Variants in ARHGAP22 observed in about 807,000 individuals in gnomAD.
ARHGAP22 encodes the protein rho GTPase-activating protein 22.
Under a neutral mutation model 59.1 loss-of-function variants are expected in ARHGAP22, and 48 were observed. That is an observed-to-expected ratio of 0.81 (90% CI 0.64 to 1.03). The LOEUF (loss-of-function observed/expected upper bound fraction) is 1.03, where lower values mean the gene tolerates loss of function less well. ARHGAP22 is among the 50% of genes least tolerant of loss of function. ARHGAP22 has a pLI of 0.00. For missense variants in ARHGAP22, 1,015 were observed against 958.7 expected, an observed-to-expected ratio of 1.06 and a Z score of -0.78; for synonymous variants, 445 against 416.4, an observed-to-expected ratio of 1.07 and a Z score of -0.84.
intron 3 of ARHGAP22, among the ~76,000 whole-genome samples, chr10:48,539,118 A>G (rs1376247127): frequency 6.6e-6 from 1 of 152,220 alleles, no homozygotes; most frequent in Non-Finnish European, 1.5e-5. Context: ...AAAAGGTTTC[A>G]GCAGCCGGAA....
intron 1 of ARHGAP22, among the ~76,000 whole-genome samples, chr10:48,638,400 T>TTGTGTGTGTGTGTG (rs148218697): frequency 3.9e-4 from 59 of 151,482 alleles, no homozygotes; most frequent in African/African-American, 1.3e-3. Flanking sequence ...AGTGTGTGTG[T>TTGTGTGTGTGTGTG]TGTGTGTGTG....
chr10:48,553,943 C>T (rs375702014), intron 3 of ARHGAP22, among the ~76,000 whole-genome samples: 12 of 152,194 alleles, frequency 7.9e-5, no homozygotes, highest in Admixed American at 2.0e-4. Flanking sequence ...CCACACCCCT[C>T]GCCTAGATGG....
chr10:48,525,311 G>T (rs145324252), intron 3 of ARHGAP22, among the ~76,000 whole-genome samples: 113 of 152,336 alleles, frequency 7.4e-4, no homozygotes, highest in African/African-American at 2.4e-3. Context: ...GGTGGCTCGT[G>T]CTTGCAATCC....
chr10:48,573,455 CACCAGGTATTCGTGGCAGACTT>C (rs2058521401), intron 2 of ARHGAP22, among the ~76,000 whole-genome samples: 1 of 152,188 alleles, frequency 6.6e-6, no homozygotes, highest in African/African-American at 2.4e-5. Flanking sequence ...AAAATTTAGA[CACCAGGTATTCGTGGCAGACTT>C]ACCACCCACG....
chr10:48,583,644 C>T (rs2059251356), intron 1 of ARHGAP22, among the ~76,000 whole-genome samples: 3 of 152,226 alleles, frequency 2.0e-5, no homozygotes. Context: ...CTGGATCCTC[C>T]TGGAGCTCAC....
intron 3 of ARHGAP22, among the ~76,000 whole-genome samples, chr10:48,547,080 AC>A (rs1254575603): frequency 1.3e-5 from 2 of 152,182 alleles, no homozygotes; most frequent in African/African-American, 2.4e-5. Flanking sequence ...AACAGCACTG[AC>A]TAGATGCTGT....
intron 2 of ARHGAP22, among the ~76,000 whole-genome samples, chr10:48,564,149 G>A (rs569634175): frequency 3.3e-4 from 50 of 152,154 alleles, no homozygotes; most frequent in Non-Finnish European, 5.7e-4. Context: ...AAAATGTCCT[G>A]TAACCTTGTA....
At chr10:48,617,662 A>T (rs188162076) in intron 1 of ARHGAP22, among the ~76,000 whole-genome samples, 1,784 of 152,134 alleles carry the variant, frequency 0.012, 29 homozygotes, top group African/African-American at 0.041. Flanking sequence ...CAGAAGTACA[A>T]CATATAAAAA....
chr10:48,632,267 G>A (rs998323836), intron 1 of ARHGAP22, among the ~76,000 whole-genome samples: 9 of 152,172 alleles, frequency 5.9e-5, no homozygotes, highest in African/African-American at 2.2e-4. Context: ...ATGGCCTCCA[G>A]CTCCATCCAA....
intron 4 of ARHGAP22, among the ~76,000 whole-genome samples, chr10:48,477,115 CT>C (rs1207619755): frequency 1.3e-5 from 2 of 152,176 alleles, no homozygotes; most frequent in Non-Finnish European, 2.9e-5. Context: ...ATGTATGCCC[CT>C]CTCCCATCCC....
Position 48,604,774 on chromosome 10 carries a change from T to C in ARHGAP22, c.23A>G (p.Gln8Arg). Residue 8 changes from glutamine (Q) to arginine (R), a missense_variant, in exon 1 of 10, where the codon CAG becomes CGG. Transcript: ENST00000249601. ...AAAGTTGGACTTACCCCTCCTGGCC[T>C]GCCTGATCTTTGGGCTCAGCATGTT... MLSPKIRQARRARSKSLV... is the reference protein window; with the variant it reads MLSPKIRRARRARSKSLV... The C allele has an allele frequency of 1.2e-6, 2 of 1,614,242 alleles. No individual in the cohort carries two copies. The highest frequency in any genetic ancestry group is 8.5e-7 in the Non-Finnish European group (1 of 1,180,030).
At chr10:48,469,046 G>A (rs1269862756) in intron 4 of ARHGAP22, among the ~76,000 whole-genome samples, 1 of 152,222 alleles carries the variant, frequency 6.6e-6, no homozygotes, top group Non-Finnish European at 1.5e-5. Flanking sequence ...TCACCAACCA[G>A]GGGCCGGCAG....
intron 3 of ARHGAP22, among the ~76,000 whole-genome samples, chr10:48,503,628 C>G (rs1428973172): frequency 6.6e-6 from 1 of 152,254 alleles, no homozygotes; most frequent in African/African-American, 2.4e-5. Flanking sequence ...CCCTACCATC[C>G]CATGGTGCCG....
chr10:48,636,504 C>A (rs2061823546), intron 1 of ARHGAP22, among the ~76,000 whole-genome samples: 1 of 152,216 alleles, frequency 6.6e-6, no homozygotes. Flanking sequence ...GCTCTGAGAC[C>A]CTGCCCTGAA....
At chr10:48,643,795 TA>T (rs1292426013) in intron 1 of ARHGAP22, among the ~76,000 whole-genome samples, 1 of 149,234 alleles carries the variant, frequency 6.7e-6, no homozygotes, top group Non-Finnish European at 1.5e-5. Flanking sequence ...CACACAACAG[TA>T]AACATAAGAC....
chr10:48,431,833 G>C, the ARHGAP22 span, among the ~76,000 whole-genome samples: 2 of 152,036 alleles, frequency 1.3e-5, no homozygotes, highest in Non-Finnish European at 2.9e-5. Context: ...AAGAATAGAG[G>C]GGAAAAGTTA....
chr10:48,645,014 T>C (rs2062231189), intron 1 of ARHGAP22, among the ~76,000 whole-genome samples: 1 of 151,820 alleles, frequency 6.6e-6, no homozygotes, highest in Non-Finnish European at 1.5e-5. Context: ...ATTAATAAAA[T>C]GGAAAAGCCT....
At chr10:48,630,282 G>C (rs963400988) in intron 1 of ARHGAP22, among the ~76,000 whole-genome samples, 1 of 152,162 alleles carries the variant, frequency 6.6e-6, no homozygotes, top group Admixed American at 6.5e-5. Context: ...AATAGAGATG[G>C]GGTTTCACCA....
intron 1 of ARHGAP22, 113 bp from the exon 2 acceptor site, chr10:48,583,265 G>C: frequency 1.6e-6 from 2 of 1,283,770 alleles, no homozygotes; most frequent in Non-Finnish European, 2.2e-6. Flanking sequence ...GCCCAGGCCA[G>C]CAGGATGTGA....
Sources: gnomAD v4.1 joint callset for allele counts (sites outside exome capture counted in the v4.1 genomes callset) on GRCh38, gnomAD v4.1.1 for gene constraint, MANE v1.5 for transcripts, NCBI Gene and HGNC (gene_info 2026-07-23, HGNC 2026-07-21) for gene names.